Variants in ARHGEF28 observed in about 807,000 individuals in gnomAD.
ARHGEF28 encodes the protein 190 kDa guanine nucleotide exchange factor.
In ARHGEF28, 152 loss-of-function variants were observed where a neutral mutation model predicts 206.6. The observed-to-expected ratio is 0.74, with a 90% CI of 0.64 to 0.84. ARHGEF28 has a LOEUF of 0.84. Ranked by LOEUF, ARHGEF28 falls within the 40% of genes least tolerant of loss-of-function variation. The pLI is 0.00. For synonymous variants in ARHGEF28, 763 were observed against 776.4 expected (o/e 0.98, Z 0.29); for missense variants, 2,028 against 2,073.2 (o/e 0.98, Z 0.42).
intron 2 of ARHGEF28, among the ~76,000 whole-genome samples, chr5:73,694,306 T>C (rs368002449): frequency 8.5e-5 from 13 of 152,204 alleles, no homozygotes; most frequent in Middle Eastern, 3.4e-3. Context: ...AGAAATTTCT[T>C]AGTGGGTGTG....
chr5:73,628,121 G>T (rs184751709), intron 1 of ARHGEF28, among the ~76,000 whole-genome samples: 33 of 152,144 alleles, frequency 2.2e-4, no homozygotes, highest in African/African-American at 8.0e-4. Context: ...GAGTACTGCA[G>T]AAGAGTTTGG....
Position 73,893,910 on chromosome 5 carries a change from G to T in ARHGEF28, c.3659-483G>T, listed in dbSNP as rs567863339. On this transcript the variant is annotated intron_variant, in intron 28 of 35. Coordinates refer to ENST00000513042, the MANE Select transcript of ARHGEF28 (RefSeq NM_001177693.2). ...TTGAGCTTTAAGAATTCTGTAACATGTTGAAATCTGAGGACAATGATGCAT... is the reference window on the plus strand; with the variant it reads ...TTGAGCTTTAAGAATTCTGTAACATTTTGAAATCTGAGGACAATGATGCAT... 2.0e-5 allele frequency among the ~76,000 whole-genome samples: 3 copies of T among 152,294 alleles called. No homozygotes were observed. In the South Asian group the frequency reaches 6.2e-4, roughly 32 times the overall value.
chr5:73,802,226 G>C (rs1408239712), intron 9 of ARHGEF28, among the ~76,000 whole-genome samples: 1 of 127,478 alleles, frequency 7.8e-6, no homozygotes, highest in East Asian at 2.1e-4. Context: ...ACCTTTAAAA[G>C]TTAATTATTT....
At chr5:73,654,055 T>G (rs1745014962) in intron 1 of ARHGEF28, among the ~76,000 whole-genome samples, 1 of 152,158 alleles carries the variant, frequency 6.6e-6, no homozygotes, top group Non-Finnish European at 1.5e-5. Flanking sequence ...CTTCTCTCCT[T>G]AAGTTAGGGT....
chr5:73,821,191 C>T (rs1250311259), intron 9 of ARHGEF28, among the ~76,000 whole-genome samples: 3 of 152,118 alleles, frequency 2.0e-5, no homozygotes, highest in East Asian at 3.9e-4. Context: ...TAGGGCTTCT[C>T]AACCAGAAGA....
chr5:73,802,004 G>A (rs1027288228), intron 9 of ARHGEF28, among the ~76,000 whole-genome samples: 9 of 152,098 alleles, frequency 5.9e-5, no homozygotes, highest in Admixed American at 2.6e-4. Flanking sequence ...TAACGTACTA[G>A]GTTTTCAGTA....
At chr5:73,896,090 T>TA (rs750220257) in intron 29 of ARHGEF28, among the ~76,000 whole-genome samples, 2 of 152,082 alleles carry the variant, frequency 1.3e-5, no homozygotes. Flanking sequence ...AGACAATACT[T>TA]ACGGAAAAAA....
At position 73,820,902 on chromosome 5, in the gene ARHGEF28, A is replaced by G. The variant is rs117457744; in HGVS notation, c.1025-11436A>G. Among the ~76,000 whole-genome samples, 220 of 152,202 alleles carry G rather than the reference A, an allele frequency of 1.4e-3. 11 individuals carry two copies. In the East Asian group the frequency reaches 0.037, roughly 26 times the overall value. ...AGTGTGCTTGGTAATGGTTGTCCTC[A>G]TGATGGTGAGGGGTAGCCTGCAAAG... On this transcript the variant is annotated intron_variant, in intron 9 of 35. Coordinates refer to ENST00000513042, the MANE Select transcript of ARHGEF28 (RefSeq NM_001177693.2).
At chr5:73,935,918 T>C (rs1452435677) in intron 35 of ARHGEF28, among the ~76,000 whole-genome samples, 3 of 152,216 alleles carry the variant, frequency 2.0e-5, no homozygotes, top group Admixed American at 1.3e-4. Flanking sequence ...GCGTCATCAG[T>C]GCTCTCAATG....
chr5:73,884,240 C>A (rs1359429272), intron 24 of ARHGEF28, among the ~76,000 whole-genome samples: 1 of 152,152 alleles, frequency 6.6e-6, no homozygotes, highest in Non-Finnish European at 1.5e-5. Flanking sequence ...GATCCTATCA[C>A]AAAATGTCAA....
chr5:73,800,583 C>A (rs1283896533), intron 9 of ARHGEF28, among the ~76,000 whole-genome samples: 1 of 151,426 alleles, frequency 6.6e-6, no homozygotes, highest in Non-Finnish European at 1.5e-5. Context: ...GCATTGAGGA[C>A]AGATGAACCA....
chr5:73,898,156 A>G, intron 30 of ARHGEF28, 63 bp downstream of exon 30: 3 of 1,565,900 alleles, frequency 1.9e-6, no homozygotes, highest in Non-Finnish European at 2.6e-6. Flanking sequence ...TACAGTGGTC[A>G]CGTAAAGTAA....
Position 73,909,758 on chromosome 5 carries a change from G to T in ARHGEF28, c.4508G>T (p.Ser1503Ile), listed in dbSNP as rs991508797. 1 of 1,512,120 alleles carries T rather than the reference G, an allele frequency of 6.6e-7. No homozygotes were observed. Among genetic ancestry groups the T allele is most frequent in the East Asian group, 2.4e-5 (1 of 40,924 alleles). The allele number at this position is 1,512,120 out of a possible 1,614,324, so 93.7% of individuals were successfully genotyped here. A position where few individuals can be genotyped will look rare whatever the true frequency, so the allele number is the denominator to read the frequency against. ...LDLQLQEYQH[S>I]LERLREGQRL... ...CTCCAGCTCCAGGAGTACCAGCACA[G>T]CCTGGAGCGGCTGAGGGAGGGCCAG... Residue 1503 changes from serine (S) to isoleucine (I), a missense_variant, in exon 34 of 36, where the codon AGC becomes ATC. Physicochemically the swap from Ser to Ile is moderately radical, Grantham distance 142. Around this residue, in one of 3 missense-constraint regions of ARHGEF28, gnomAD observed 803 missense variants for 768.0 expected, o/e 1.05. Transcript: ENST00000513042.
chr5:73,844,901 G>A (rs1758222712), intron 11 of ARHGEF28, among the ~76,000 whole-genome samples: 1 of 151,498 alleles, frequency 6.6e-6, no homozygotes, highest in Non-Finnish European at 1.5e-5. Context: ...GGATGTAGAG[G>A]GTCAAATTCT....
chr5:73,730,044 A>T (rs1411986280), intron 2 of ARHGEF28, among the ~76,000 whole-genome samples: 1 of 152,212 alleles, frequency 6.6e-6, no homozygotes, highest in Non-Finnish European at 1.5e-5. Flanking sequence ...TTATTCAGTG[A>T]ATATATCGCC....
At chr5:73,869,918 A>G (rs1240421334) in intron 20 of ARHGEF28, 151 bp from the exon 21 acceptor site, 2 of 826,580 alleles carry the variant, frequency 2.4e-6, no homozygotes, top group Non-Finnish European at 3.6e-6. Context: ...AAAAAAACAG[A>G]TGTTTCACTC....
At chr5:73,747,799 G>T (rs1011451869) in intron 2 of ARHGEF28, among the ~76,000 whole-genome samples, 3 of 152,136 alleles carry the variant, frequency 2.0e-5, no homozygotes, top group Non-Finnish European at 4.4e-5. Flanking sequence ...CCTTTCACTA[G>T]TGTAAAGCAT....
At chr5:73,645,745 C>T (rs1367136387) in intron 1 of ARHGEF28, among the ~76,000 whole-genome samples, 1 of 152,008 alleles carries the variant, frequency 6.6e-6, no homozygotes, top group African/African-American at 2.4e-5. Context: ...TCTCCATTTC[C>T]CCTAGAGGTC....
In ARHGEF28 at chr5:73,840,643, C is replaced by T. The variant is rs781655077; in HGVS notation, c.1310C>T (p.Ala437Val). Residue 437 changes from alanine (A) to valine (V), a missense_variant, in exon 11 of 36, where the codon GCA (alanine) becomes GTA (valine). This residue lies in a region of ARHGEF28 where 1,002 missense variants were observed against 1,015.3 expected (regional missense o/e 0.99). Transcript: ENST00000513042. ...CTTAGTGAAAATGTCGAAGGGACAG[C>T]ACACACTGAAGCCCAGCAGTCCTTC... ...YPLSENVEGT[A>V]HTEAQQSFMS... The T allele has an allele frequency of 1.9e-6, 3 of 1,613,808 alleles. No homozygotes were observed. Among genetic ancestry groups the T allele is most frequent in the Non-Finnish European group, 2.5e-6 (3 of 1,179,794 alleles).
Sources: allele counts gnomAD v4.1 joint callset (sites outside exome capture counted in the v4.1 genomes callset), GRCh38; gene constraint gnomAD v4.1.1; regional missense constraint gnomAD v4.1.1; transcripts MANE v1.5; gene names NCBI Gene and HGNC (gene_info 2026-07-23, HGNC 2026-07-21).